The following VPS36 variants were observed in gnomAD, a reference collection of about 807,000 sequenced individuals.
VPS36 encodes vacuolar protein-sorting-associated protein 36.
A neutral mutation model predicts 63.5 loss-of-function variants in VPS36; 31 were observed. That is an observed-to-expected ratio of 0.49 (90% CI 0.37 to 0.66). The LOEUF is 0.66. Among genes scored for constraint, VPS36 ranks in the 30% least tolerant of loss-of-function variants. The pLI is 0.00. For missense variants in VPS36, 338 were observed against 463.7 expected (o/e 0.73, Z 2.49); for synonymous variants, 138 against 157.2 (o/e 0.88, Z 0.91).
At chr13:52,433,574 A>T in intron 6 of VPS36, 88 bp downstream of exon 6, 1 of 1,066,208 alleles carries the variant, frequency 9.4e-7, no homozygotes. Flanking sequence ...ATATATTCTA[A>T]ATTACAGAAG....
intron 11 of VPS36, 42 bp downstream of exon 11, chr13:52,417,950 T>A (rs1173898502): frequency 6.3e-7 from 1 of 1,574,952 alleles, no homozygotes; most frequent in Non-Finnish European, 8.7e-7. Flanking sequence ...CCATGCAGAA[T>A]CATGGTTGCA....
intron 8 of VPS36, 148 bp from the exon 9 acceptor site, chr13:52,426,214 A>G: frequency 1.0e-6 from 1 of 967,624 alleles, no homozygotes; most frequent in South Asian, 1.9e-5. Flanking sequence ...AAGGGAGCAG[A>G]TTTCCAGGAG....
At chr13:52,422,309 T>C (rs780600422) in intron 10 of VPS36, among the ~76,000 whole-genome samples, 2 of 152,140 alleles carry the variant, frequency 1.3e-5, no homozygotes, top group East Asian at 3.8e-4. Context: ...TTTTTATGAC[T>C]GAATTGTATT....
chr13:52,439,113 G>A lies in VPS36; in HGVS notation c.221C>T (p.Ala74Val), dbSNP rs749149596. ...SQIVFIEEQA[A>V]GIGKSAKIVV... ...ACAGACTTACCTCTTCCCAATTCCA[G>A]CCGCCTGTTCTTCAATGAACACAAT... The change falls in exon 3 of 14, where the codon GCT becomes GTT. Residue 74 changes from alanine (A) to valine (V), a missense_variant. Coordinates refer to ENST00000378060, the MANE Select transcript of VPS36 (RefSeq NM_016075.4). The A allele has an allele frequency of 1.2e-6, 2 of 1,613,644 alleles. No homozygotes were observed. The highest frequency in any genetic ancestry group is 1.7e-6 in the Non-Finnish European group (2 of 1,179,828).
chr13:52,425,816 AC>A (rs370714887), intron 9 of VPS36, 115 bp downstream of exon 9: 45 of 1,113,434 alleles, frequency 4.0e-5, no homozygotes, highest in Middle Eastern at 2.8e-4. Context: ...GAAAAAAAAA[AC>A]ATGTCAGTTG....
At chr13:52,442,682 T>A (rs1024876085) in intron 1 of VPS36, among the ~76,000 whole-genome samples, 7 of 152,204 alleles carry the variant, frequency 4.6e-5, no homozygotes, top group Non-Finnish European at 8.8e-5. Context: ...ACATTCATAC[T>A]CTGCAATGCA....
Position 52,434,419 on chromosome 13 carries a change from T to G in VPS36, c.441+374A>C, listed in dbSNP as rs1431578543. On this transcript the variant is annotated intron_variant, in intron 5 of 13. Coordinates refer to ENST00000378060, the MANE Select transcript of VPS36 (RefSeq NM_016075.4). ...TGTCGCCCAGGCTGAAGTGCAATGG[T>G]GCAATCTTGGCTCACAGCAACCTCC... 2.0e-5 allele frequency among the ~76,000 whole-genome samples: 3 copies of G among 152,210 alleles called. No homozygotes were observed. The East Asian group carries it at 5.8e-4, about 29-fold the overall frequency.
intron 9 of VPS36, among the ~76,000 whole-genome samples, chr13:52,424,407 T>C (rs1157261659): frequency 6.6e-6 from 1 of 152,082 alleles, no homozygotes; most frequent in Non-Finnish European, 1.5e-5. Context: ...TATCTCTTGA[T>C]GGAAGTACAC....
intron 1 of VPS36, chr13:52,449,826 A>G (rs907514003): frequency 4.3e-5 from 30 of 699,642 alleles, no homozygotes; most frequent in Non-Finnish European, 4.9e-5. Flanking sequence ...TACTATTAAT[A>G]TAACACTTTA....
At chr13:52,437,818 T>C (rs1958234194) in intron 3 of VPS36, among the ~76,000 whole-genome samples, 1 of 151,774 alleles carries the variant, frequency 6.6e-6, no homozygotes, top group African/African-American at 2.4e-5. Context: ...TAGTCCCAGC[T>C]ACTCGGGAGG....
intron 11 of VPS36, 77 bp from the exon 12 acceptor site, chr13:52,417,218 T>C: frequency 8.0e-7 from 1 of 1,247,556 alleles, no homozygotes; most frequent in Non-Finnish European, 1.2e-6. Flanking sequence ...ACATCTTTTA[T>C]ACCTTCTTTT....
intron 2 of VPS36, among the ~76,000 whole-genome samples, chr13:52,441,274 T>C (rs1360292248): frequency 6.6e-6 from 1 of 152,176 alleles, no homozygotes; most frequent in Non-Finnish European, 1.5e-5. Flanking sequence ...GTACAGTATA[T>C]AGTTTATTTG....
intron 6 of VPS36, among the ~76,000 whole-genome samples, chr13:52,430,618 C>A (rs1958145146): frequency 6.7e-6 from 1 of 148,908 alleles, no homozygotes; most frequent in African/African-American, 2.5e-5. Context: ...GGCAACAGAG[C>A]AAGACTCCAT....
intron 6 of VPS36, among the ~76,000 whole-genome samples, chr13:52,431,775 A>G (rs995284110): frequency 4.6e-5 from 7 of 151,164 alleles, no homozygotes; most frequent in African/African-American, 9.7e-5. Flanking sequence ...AAAAAAAAAA[A>G]AAAAAAAGAA....
chr13:52,422,672 C>CTAGTTTGT (rs1199507291), intron 10 of VPS36, among the ~76,000 whole-genome samples: 1 of 152,180 alleles, frequency 6.6e-6, no homozygotes, highest in African/African-American at 2.4e-5. Context: ...CGTTGCTGCA[C>CTAGTTTGT]TAGTTTGTTA....
rs370101710 is a variant in VPS36 at position 52,450,627 on chromosome 13, C to T, written c.-33G>A. ...GCCACCCAGCCCCGGCCCTCCGAGG[C>T]CGCGAGCAGCGCGCCAGGCAGCCTG... On this transcript the variant is annotated 5_prime_UTR_variant, in exon 1 of 14. Transcript: ENST00000378060. The T allele has an allele frequency of 3.2e-6, 5 of 1,540,088 alleles. No homozygotes were observed. The highest frequency in any genetic ancestry group is 2.4e-5 in the South Asian group (2 of 83,850).
chr13:52,442,563 G>T, intron 1 of VPS36, 118 bp from the exon 2 acceptor site: 1 of 811,828 alleles, frequency 1.2e-6, no homozygotes, highest in East Asian at 2.9e-5. Flanking sequence ...TTTACTTTTA[G>T]AATAGGCTTA....
At chr13:52,448,367 T>C (rs1250152592) in intron 1 of VPS36, among the ~76,000 whole-genome samples, 1 of 152,212 alleles carries the variant, frequency 6.6e-6, no homozygotes, top group Non-Finnish European at 1.5e-5. Context: ...GAAGCCAGGA[T>C]ACCGCACCTT....
intron 11 of VPS36, 74 bp downstream of exon 11, chr13:52,417,918 T>C: frequency 7.6e-7 from 1 of 1,314,216 alleles, no homozygotes; most frequent in Non-Finnish European, 1.1e-6. Flanking sequence ...ATGGCAAACT[T>C]GGCTGGGCTT....
Sources: allele counts gnomAD v4.1 joint callset (sites outside exome capture counted in the v4.1 genomes callset), GRCh38; gene constraint gnomAD v4.1.1; transcripts MANE v1.5; gene names NCBI Gene and HGNC (gene_info 2026-07-23, HGNC 2026-07-21).